Variants in FANCA observed in about 807,000 individuals in gnomAD.
The protein encoded by FANCA is FA complementation group A, also known as Fanconi anemia group A protein.
Under a neutral mutation model 194.3 loss-of-function variants are expected in FANCA, and 236 were observed. The ratio of observed to expected loss-of-function variants is 1.21; its 90% CI spans 1.09 to 1.35. FANCA has a LOEUF of 1.35. FANCA is among the 40% of genes most tolerant of loss of function. The probability of loss-of-function intolerance (pLI) is 0.00; values close to 1 mark genes in which losing one functional copy is unlikely to be tolerated. For synonymous variants in FANCA, 1,014 were observed against 715.8 expected (o/e 1.42, Z -6.65); for missense variants, 2,628 against 1,813.9 (o/e 1.45, Z -8.15).
chr16:89,765,133 G>A, intron 27 of FANCA, 67 bp from the exon 28 acceptor site: 1 of 1,568,886 alleles, frequency 6.4e-7, no homozygotes, highest in Non-Finnish European at 8.7e-7. Flanking sequence ...CTGAGCAAAT[G>A]CTCAGGTGGA....
intron 6 of FANCA, 100 bp downstream of exon 6, chr16:89,808,194 A>C (rs1463929478): frequency 8.9e-7 from 1 of 1,127,648 alleles, no homozygotes; most frequent in African/African-American, 1.5e-5. Context: ...TTATATGTCA[A>C]AGCCAGAAAT....
intron 28 of FANCA, chr16:89,762,719 G>T (rs985979411): frequency 5.4e-5 from 24 of 448,024 alleles, no homozygotes; most frequent in African/African-American, 4.6e-4. Context: ...TGCAGACTCT[G>T]CCTCCTGAAC....
At chr16:89,807,234 G>A (rs908792374) in intron 6 of FANCA, among the ~76,000 whole-genome samples, 1 of 150,286 alleles carries the variant, frequency 6.7e-6, no homozygotes, top group African/African-American at 2.5e-5. Flanking sequence ...CGAGGCGGGA[G>A]GATCACAAGA....
In FANCA at chr16:89,769,887, A is replaced by G. The variant is rs2143332088; in HGVS notation, c.2454T>C (p.Phe818=). The G allele has an allele frequency of 6.2e-7, 1 of 1,614,126 alleles. No homozygotes were observed. The highest frequency in any genetic ancestry group is 8.5e-7 in the Non-Finnish European group (1 of 1,180,030). ...PGAGLPVPAL[F]DSLLTCRTRD... ...TCGTCCTACAGGTCAGGAGGCTGTC[A>G]AAGAGCGCAGGGACAGGAAGGCCAG... The change falls in exon 26 of 43, where the codon TTT becomes TTC. Residue 818 remains phenylalanine (F), a synonymous_variant. Coordinates refer to ENST00000389301, the MANE Select transcript of FANCA (RefSeq NM_000135.4).
At chr16:89,786,951 C>T (rs904421697) in intron 14 of FANCA, among the ~76,000 whole-genome samples, 4 of 152,198 alleles carry the variant, frequency 2.6e-5, no homozygotes, top group Non-Finnish European at 5.9e-5. Context: ...TGTCTCTTGG[C>T]AACGTTCACT....
At chr16:89,799,375 G>A (rs1157886905) in intron 9 of FANCA, 143 bp from the exon 10 acceptor site, 2 of 1,030,050 alleles carry the variant, frequency 1.9e-6, no homozygotes, top group African/African-American at 3.2e-5. Context: ...CAATCTGTAG[G>A]CCTTAATCAA....
rs931931504 is a variant in FANCA, at chr16:89,810,563, C to T, written c.522+144G>A. 5 of 709,160 alleles carry T rather than the reference C, an allele frequency of 7.1e-6. No homozygotes were observed. The African/African-American group carries it at 8.8e-5, about 12-fold the overall frequency. The allele number at this position is 709,160 out of a possible 1,614,324, so 43.9% of individuals were successfully genotyped here. On this transcript the variant is annotated intron_variant, in intron 5 of 42. Transcript: ENST00000389301. ...CTTCTTTCCAATCCACAGATGATTTCTAAACCCTTTTTCATCCACTCTCTG... is the reference window on the plus strand; with the variant it reads ...CTTCTTTCCAATCCACAGATGATTTTTAAACCCTTTTTCATCCACTCTCTG...
intron 30 of FANCA, among the ~76,000 whole-genome samples, chr16:89,752,899 G>C (rs71396960): frequency 2.0e-5 from 3 of 152,218 alleles, no homozygotes; most frequent in East Asian, 3.9e-4. Flanking sequence ...CCTTTCCCCC[G>C]GGGAGTTTAG....
chr16:89,758,429 AG>A (rs1387908084), intron 30 of FANCA, 147 bp downstream of exon 30: 5 of 872,920 alleles, frequency 5.7e-6, no homozygotes, highest in Non-Finnish European at 7.5e-6. Flanking sequence ...GTGTTGCCAA[AG>A]GAGACTGACA....
At position 89,809,679 on chromosome 16, in the gene FANCA, G is replaced by A. The variant is rs547737693; in HGVS notation, c.522+1028C>T. 2.3e-4 allele frequency among the ~76,000 whole-genome samples: 35 copies of A among 151,952 alleles called. 1 individual carries two copies. The highest frequency in any genetic ancestry group is 8.5e-4 in the Admixed American group (13 of 15,266). ...AGCCTGACCAACATGGAGAAACCCC[G>A]TCTCTACTAAAAATACAAAAAAAAT... On this transcript the variant is annotated intron_variant, in intron 5 of 42. Transcript: ENST00000389301.
chr16:89,812,363 G>A (rs951209098), intron 3 of FANCA, among the ~76,000 whole-genome samples: 2 of 149,066 alleles, frequency 1.3e-5, no homozygotes, highest in Non-Finnish European at 3.0e-5. Context: ...AAAAAAACTG[G>A]AGGCCAGGCT....
chr16:89,786,883 C>T (rs990616132), intron 14 of FANCA, among the ~76,000 whole-genome samples: 4 of 152,164 alleles, frequency 2.6e-5, no homozygotes, highest in African/African-American at 7.2e-5. Context: ...GAAATTCTCC[C>T]GCCAAGCACA....
intron 17 of FANCA, among the ~76,000 whole-genome samples, chr16:89,780,198 A>G (rs375250307): frequency 3.9e-5 from 6 of 152,108 alleles, no homozygotes; most frequent in African/African-American, 1.4e-4. Context: ...AGACCCCGTG[A>G]TGTGCGGCCC....
intron 21 of FANCA, among the ~76,000 whole-genome samples, chr16:89,774,046 G>A (rs1220083267): frequency 2.6e-5 from 4 of 152,042 alleles, no homozygotes; most frequent in African/African-American, 7.2e-5. Context: ...TGGGATTACG[G>A]GCATGAGCCA....
At chr16:89,749,988 G>C in intron 31 of FANCA, 86 bp from the exon 32 acceptor site, 1 of 1,427,764 alleles carries the variant, frequency 7.0e-7, no homozygotes, top group Non-Finnish European at 9.8e-7. Context: ...GGGTCAGGGA[G>C]AGGTCTCCAC....
chr16:89,769,326 C>A (rs1368680584), intron 26 of FANCA, among the ~76,000 whole-genome samples: 1 of 152,218 alleles, frequency 6.6e-6, no homozygotes, highest in Non-Finnish European at 1.5e-5. Flanking sequence ...TGGCTTCTGC[C>A]TGTGCGTGGC....
chr16:89,775,445 T>C (rs2039467969), intron 21 of FANCA, among the ~76,000 whole-genome samples: 2 of 152,200 alleles, frequency 1.3e-5, no homozygotes, highest in East Asian at 3.8e-4. Flanking sequence ...GTCTGAAGCC[T>C]GTACAAACAC....
chr16:89,739,464 G>T lies in FANCA; in HGVS notation c.4010+14C>A, dbSNP rs1339996571. 2.6e-6 allele frequency: 4 copies of T among 1,551,668 alleles called. No individual in the cohort carries two copies. The highest frequency in any genetic ancestry group is 1.4e-5 in the African/African-American group (1 of 73,228). ...ACACTGCCCAGCCCTGACCAGCCCT[G>T]TGGGTGGAGGTACCTGTAAAAAGCG... On this transcript the variant is annotated intron_variant, in intron 40 of 42. Transcript: ENST00000389301.
chr16:89,775,722 C>A lies in FANCA; in HGVS notation c.1900+20G>T. ...GGAAAAGCACAAGTCCCAGAGTGGA[C>A]AAGCGGCCCAGGAACTTACCTTCTG... On this transcript the variant is annotated intron_variant, in intron 21 of 42. Transcript: ENST00000389301. The A allele has an allele frequency of 6.2e-7, 1 of 1,601,308 alleles. No individual in the cohort carries two copies. Among genetic ancestry groups the A allele is most frequent in the Non-Finnish European group, 8.5e-7 (1 of 1,171,322 alleles).
Sources: gnomAD v4.1 joint callset for allele counts (sites outside exome capture counted in the v4.1 genomes callset) on GRCh38, gnomAD v4.1.1 for gene constraint, MANE v1.5 for transcripts, NCBI Gene and HGNC (gene_info 2026-07-23, HGNC 2026-07-21) for gene names.